The following CPXM2 variants were observed in gnomAD, a reference collection of about 807,000 sequenced individuals.
CPXM2 encodes inactive carboxypeptidase-like protein X2.
In CPXM2, 66 loss-of-function variants were observed where a neutral mutation model predicts 86.1. The observed-to-expected ratio is 0.77, with a 90% CI of 0.63 to 0.94. The LOEUF is 0.94. Among genes scored for constraint, CPXM2 ranks in the 40% least tolerant of loss-of-function variants. The probability of loss-of-function intolerance (pLI) is 0.00; values close to 1 mark genes in which losing one functional copy is unlikely to be tolerated. For missense variants in CPXM2, 948 were observed against 1,026.3 expected, an observed-to-expected ratio of 0.92 and a Z score of 1.04; for synonymous variants, 388 against 400.2, an observed-to-expected ratio of 0.97 and a Z score of 0.36.
intron 2 of CPXM2, among the ~76,000 whole-genome samples, chr10:123,921,675 C>A (rs1338476104): frequency 6.6e-6 from 1 of 152,210 alleles, no homozygotes; most frequent in Non-Finnish European, 1.5e-5. Flanking sequence ...ATTCAAACAC[C>A]TGTGTGCTGA....
chr10:123,759,203 C>G (rs779461787), intron 11 of CPXM2, among the ~76,000 whole-genome samples: 1 of 152,174 alleles, frequency 6.6e-6, no homozygotes. Context: ...TTCGGTCAAA[C>G]CTGCAGTATG....
Position 123,865,028 on chromosome 10 carries a change from A to G in CPXM2, c.404-2305T>C, listed in dbSNP as rs944189011. On this transcript the variant is annotated intron_variant, in intron 2 of 13. Transcript: ENST00000241305. The surrounding 1 kb of genome is among the most constrained non-coding windows in gnomAD (Gnocchi z 4.7). ...GTTTCCCGCCGCCAGCAGTGCTGGC[A>G]GCTGCCACATCTAACAGCCATTCTT... is the stretch of plus-strand genomic sequence containing the variant. 2.6e-5 allele frequency among the ~76,000 whole-genome samples: 4 copies of G among 152,188 alleles called. No homozygotes were observed. The highest frequency in any genetic ancestry group is 9.6e-5 in the African/African-American group (4 of 41,456).
chr10:123,897,264 T>C (rs1590110991), intron 2 of CPXM2, among the ~76,000 whole-genome samples: 1 of 152,246 alleles, frequency 6.6e-6, no homozygotes, highest in South Asian at 2.1e-4. Context: ...CTGCACTTCA[T>C]TTAATTCACC....
intron 8 of CPXM2, 80 bp from the exon 9 acceptor site, chr10:123,768,802 G>C (rs966385686): frequency 7.8e-7 from 1 of 1,277,712 alleles, no homozygotes; most frequent in East Asian, 2.4e-5. Flanking sequence ...TTGTGTTGGG[G>C]GGAAAGTCTT....
chr10:123,787,390 T>C (rs928635040), intron 6 of CPXM2, among the ~76,000 whole-genome samples: 1 of 151,130 alleles, frequency 6.6e-6, no homozygotes. Context: ...ACATGAGACT[T>C]TTTTTTTTCT....
chr10:123,797,477 G>A (rs1435149267), intron 6 of CPXM2, among the ~76,000 whole-genome samples: 1 of 152,132 alleles, frequency 6.6e-6, no homozygotes, highest in African/African-American at 2.4e-5. Flanking sequence ...TATGGGAAAT[G>A]TTTACTCATT....
At chr10:123,941,215 G>A (rs1375437998), upstream of CPXM2, among the ~76,000 whole-genome samples, 3 of 152,176 alleles carry the variant, frequency 2.0e-5, no homozygotes, top group African/African-American at 7.2e-5. Flanking sequence ...AAATGGAAAT[G>A]TATTGTCTCA....
rs377136216 is a variant in CPXM2, at chr10:123,929,272, T to C, written n.174+10205A>G. On this transcript the variant is annotated intron_variant and non_coding_transcript_variant, in intron 2 of 19. Transcript: ENST00000368854. Reference sequence around the variant, plus strand: ...ACTGGCAGAGTGCAGGGAGGATGAATTTCGGAGGATTCATGAGGCCAGACC... The same window carrying C: ...ACTGGCAGAGTGCAGGGAGGATGAACTTCGGAGGATTCATGAGGCCAGACC... Among the ~76,000 whole-genome samples the C allele has an allele frequency of 5.3e-5, 8 of 152,222 alleles. No individual in the cohort carries two copies. The South Asian group carries it at 1.7e-3, about 32-fold the overall frequency.
At chr10:123,898,116 A>T (rs1452595741) in intron 2 of CPXM2, among the ~76,000 whole-genome samples, 3 of 152,208 alleles carry the variant, frequency 2.0e-5, no homozygotes, top group Non-Finnish European at 4.4e-5. Context: ...ACCACACAAG[A>T]GACACTGAAC....
At chr10:123,829,856 A>G (rs1848127138) in intron 4 of CPXM2, among the ~76,000 whole-genome samples, 1 of 152,050 alleles carries the variant, frequency 6.6e-6, no homozygotes. Context: ...TAAACCCCAC[A>G]ATAGACAGGA....
chr10:123,748,814 A>G (rs1846017510), intron 13 of CPXM2, among the ~76,000 whole-genome samples: 5 of 152,096 alleles, frequency 3.3e-5, no homozygotes, highest in Admixed American at 3.3e-4. Context: ...GGGTCCCCAC[A>G]GTCCCTGACA....
At chr10:123,752,183 TGC>T in intron 13 of CPXM2, 1 of 985,416 alleles carries the variant, frequency 1.0e-6, no homozygotes, top group Non-Finnish European at 1.2e-6. Flanking sequence ...GCCAACACTC[TGC>T]GTGGTCTCTG....
At chr10:123,787,052 G>A (rs78080232) in intron 6 of CPXM2, among the ~76,000 whole-genome samples, 3,677 of 152,230 alleles carry the variant, frequency 0.024, 137 homozygotes, top group African/African-American at 0.081. Flanking sequence ...CCCAAAAACC[G>A]TGGTGATTTG....
chr10:123,791,388 G>C (rs1314545119), intron 6 of CPXM2, among the ~76,000 whole-genome samples: 1 of 152,232 alleles, frequency 6.6e-6, no homozygotes, highest in Non-Finnish European at 1.5e-5. Context: ...CTGCACTCCA[G>C]CCTGGGAACA....
intron 2 of CPXM2, among the ~76,000 whole-genome samples, chr10:123,933,662 G>A (rs1048386879): frequency 6.6e-6 from 1 of 152,034 alleles, no homozygotes; most frequent in African/African-American, 2.4e-5. Context: ...AGGTTGCAGT[G>A]AGCTGAGATC....
At chr10:123,880,155 C>T (rs1000992965) in intron 2 of CPXM2, 56 bp downstream of exon 2, 2 of 393,816 alleles carry the variant, frequency 5.1e-6, no homozygotes, top group Non-Finnish European at 9.7e-6. Flanking sequence ...TACCCACCCA[C>T]CCTCCCTGAA....
chr10:123,852,942 T>G (rs1848635808), intron 3 of CPXM2, among the ~76,000 whole-genome samples: 1 of 152,212 alleles, frequency 6.6e-6, no homozygotes, highest in Admixed American at 6.5e-5. Flanking sequence ...ACACTATGAT[T>G]TGTTACATTT....
At chr10:123,758,687 T>C (rs1846268623) in intron 11 of CPXM2, among the ~76,000 whole-genome samples, 2 of 152,212 alleles carry the variant, frequency 1.3e-5, no homozygotes, top group South Asian at 4.1e-4. Flanking sequence ...TTTGATGGCA[T>C]GAAGTACCAG....
chr10:123,754,121 T>A lies in CPXM2; in HGVS notation c.2017+542A>T, dbSNP rs1468105580. Among the ~76,000 whole-genome samples the A allele has an allele frequency of 2.6e-5, 4 of 152,240 alleles. No individual in the cohort carries two copies. The highest frequency in any genetic ancestry group is 7.2e-5 in the African/African-American group (3 of 41,460). On this transcript the variant is annotated intron_variant, in intron 13 of 13. Transcript: ENST00000241305. This position sits in a 1 kb window ranked among gnomAD's most constrained non-coding sequence, Gnocchi z 4.0. The stretch of plus-strand genomic sequence containing the variant: ...CAGACACCTGAGTCTTCCTAAGACA[T>A]CACGCTCAGTGATTTCCTGTGCTTT...
Sources: gnomAD v4.1 joint callset for allele counts (sites outside exome capture counted in the v4.1 genomes callset) on GRCh38, gnomAD v4.1.1 for gene constraint, Gnocchi (gnomAD v3.1) non-coding constraint, MANE v1.5 for transcripts, NCBI Gene and HGNC (gene_info 2026-07-23, HGNC 2026-07-21) for gene names.